The following SNTG1 variants were observed in gnomAD, a reference collection of about 807,000 sequenced individuals.
The protein encoded by SNTG1 is syntrophin gamma 1.
A neutral mutation model predicts 74.7 loss-of-function variants in SNTG1; 39 were observed. The observed-to-expected ratio is 0.52, with a 90% CI of 0.40 to 0.68. The LOEUF (loss-of-function observed/expected upper bound fraction) is 0.68, where lower values mean the gene tolerates loss of function less well. Among genes scored for constraint, SNTG1 ranks in the 30% least tolerant of loss-of-function variants. The probability of loss-of-function intolerance (pLI) is 0.00; values close to 1 mark genes in which losing one functional copy is unlikely to be tolerated. For synonymous variants in SNTG1, 254 were observed against 217.1 expected, an observed-to-expected ratio of 1.17 and a Z score of -1.49; for missense variants, 685 against 609.5, an observed-to-expected ratio of 1.12 and a Z score of -1.30.
At chr8:50,432,162 G>A (rs1262913985) in intron 4 of SNTG1, among the ~76,000 whole-genome samples, 5 of 151,998 alleles carry the variant, frequency 3.3e-5, no homozygotes, top group Non-Finnish European at 5.9e-5. Flanking sequence ...TAATATTTAA[G>A]CCTATCTATG....
chr8:50,703,849 T>A (rs1391383665), intron 15 of SNTG1, among the ~76,000 whole-genome samples: 1 of 152,200 alleles, frequency 6.6e-6, no homozygotes, highest in East Asian at 1.9e-4. Flanking sequence ...CCGTCGCATA[T>A]GCAGTTCATC....
chr8:50,545,449 A>G (rs2625756), intron 11 of SNTG1, among the ~76,000 whole-genome samples: 60,154 of 148,810 alleles, frequency 0.4, 16,457 homozygotes, highest in African/African-American at 0.78. Context: ...ATATAAATAT[A>G]TGCACCTGTC....
chr8:49,995,346 T>C (rs1814104121), intron 1 of SNTG1, among the ~76,000 whole-genome samples: 1 of 152,196 alleles, frequency 6.6e-6, no homozygotes, highest in Admixed American at 6.5e-5. Flanking sequence ...AATAAGGCTA[T>C]TTGCTGAAAA....
intron 1 of SNTG1, among the ~76,000 whole-genome samples, chr8:49,962,415 G>A (rs72639809): frequency 7.5e-4 from 114 of 151,806 alleles, no homozygotes; most frequent in Middle Eastern, 3.4e-3. Context: ...CACATGTAAT[G>A]GGCAGATGCT....
intron 1 of SNTG1, among the ~76,000 whole-genome samples, chr8:50,030,013 A>G (rs1311661994): frequency 6.6e-6 from 1 of 151,884 alleles, no homozygotes; most frequent in Non-Finnish European, 1.5e-5. Flanking sequence ...AGCATTTTTT[A>G]TTGCTTACCG....
chr8:50,284,580 A>G (rs1242382043), intron 2 of SNTG1, among the ~76,000 whole-genome samples: 1 of 152,132 alleles, frequency 6.6e-6, no homozygotes, highest in Non-Finnish European at 1.5e-5. Context: ...TGGAACCACA[A>G]AATGCTCCAA....
At chr8:50,721,775 G>A (rs2095488236) in intron 17 of SNTG1, among the ~76,000 whole-genome samples, 1 of 152,130 alleles carries the variant, frequency 6.6e-6, no homozygotes, top group African/African-American at 2.4e-5. Flanking sequence ...CTGGGAAATT[G>A]CAATAACTCT....
At chr8:49,920,529 A>G (rs1043628740) in intron 1 of SNTG1, among the ~76,000 whole-genome samples, 3 of 152,048 alleles carry the variant, frequency 2.0e-5, no homozygotes, top group African/African-American at 7.2e-5. Flanking sequence ...CTTGCTTTAG[A>G]TTGCAGTAAA....
rs534864753 is a variant in SNTG1, at chr8:50,667,147, G to A, written c.1038+8484G>A. ...ATAATACATGATATAAGAGTATATC[G>A]ATATCATTATTAGGCAAATGCTAAA... On this transcript the variant is annotated intron_variant, in intron 15 of 18. Transcript: ENST00000642720. 1.9e-4 allele frequency among the ~76,000 whole-genome samples: 29 copies of A among 151,966 alleles called. No homozygotes were observed. In the East Asian group the frequency reaches 5.0e-3, roughly 26 times the overall value.
intron 1 of SNTG1, among the ~76,000 whole-genome samples, chr8:50,145,086 C>T (rs1158390365): frequency 1.3e-5 from 2 of 152,056 alleles, no homozygotes; most frequent in African/African-American, 4.8e-5. Flanking sequence ...GGACTCAGTG[C>T]TTCAGGAATG....
At chr8:50,711,068 G>A (rs1202267473) in intron 17 of SNTG1, among the ~76,000 whole-genome samples, 1 of 152,162 alleles carries the variant, frequency 6.6e-6, no homozygotes, top group Non-Finnish European at 1.5e-5. Context: ...TAAGGAGGAG[G>A]ACAAGCATAA....
chr8:50,711,393 C>G (rs533675539), intron 17 of SNTG1, among the ~76,000 whole-genome samples: 3 of 152,158 alleles, frequency 2.0e-5, no homozygotes, highest in Non-Finnish European at 4.4e-5. Flanking sequence ...TGATCAAGTC[C>G]TCCAACTTTG....
chr8:50,725,419 CTG>C (rs1180958729), intron 17 of SNTG1, among the ~76,000 whole-genome samples: 2 of 152,010 alleles, frequency 1.3e-5, no homozygotes, highest in Non-Finnish European at 2.9e-5. Flanking sequence ...AAACATCAAA[CTG>C]TAAGATAAGT....
intron 2 of SNTG1, among the ~76,000 whole-genome samples, chr8:50,386,755 G>A (rs1215902933): frequency 2.0e-5 from 3 of 152,068 alleles, no homozygotes; most frequent in African/African-American, 7.2e-5. Context: ...TAAACAGCCA[G>A]GTCTGGCATG....
At chr8:50,353,114 A>G (rs2091714721) in intron 2 of SNTG1, among the ~76,000 whole-genome samples, 1 of 152,124 alleles carries the variant, frequency 6.6e-6, no homozygotes, top group Non-Finnish European at 1.5e-5. Context: ...AGGGACATGG[A>G]TAAAGCTGGA....
chr8:50,764,017 A>G (rs1338395770), intron 18 of SNTG1, among the ~76,000 whole-genome samples: 3 of 151,504 alleles, frequency 2.0e-5, no homozygotes, highest in Non-Finnish European at 4.4e-5. Context: ...AGGCCAGAAA[A>G]GAACCTGTGT....
chr8:50,309,062 C>A (rs1397204310), intron 2 of SNTG1, among the ~76,000 whole-genome samples: 1 of 151,894 alleles, frequency 6.6e-6, no homozygotes, highest in Non-Finnish European at 1.5e-5. Context: ...CTGGAAAGAG[C>A]TAATACTTAG....
chr8:50,679,765 T>C (rs184445080), intron 15 of SNTG1, among the ~76,000 whole-genome samples: 12 of 152,304 alleles, frequency 7.9e-5, no homozygotes, highest in African/African-American at 2.6e-4. Context: ...TGCTTGACAC[T>C]AAGAGGATGG....
chr8:50,432,996 G>T (rs991605327), intron 4 of SNTG1, among the ~76,000 whole-genome samples: 1 of 151,922 alleles, frequency 6.6e-6, no homozygotes, highest in African/African-American at 2.4e-5. Context: ...CACCATGTCG[G>T]CCAGGCTGGT....
Sources: gnomAD v4.1 joint callset for allele counts (sites outside exome capture counted in the v4.1 genomes callset) on GRCh38, gnomAD v4.1.1 for gene constraint, MANE v1.5 for transcripts, NCBI Gene and HGNC (gene_info 2026-07-23, HGNC 2026-07-21) for gene names.